The following LARGE1 variants were observed in gnomAD, a reference collection of about 807,000 sequenced individuals.
The protein encoded by LARGE1 is xylosyl- and glucuronyltransferase LARGE1.
Under a neutral mutation model 87.6 loss-of-function variants are expected in LARGE1, and 43 were observed. That is an observed-to-expected ratio of 0.49 (90% CI 0.38 to 0.63). The LOEUF (loss-of-function observed/expected upper bound fraction) is 0.63. LARGE1 is among the 30% of genes least tolerant of loss of function. The probability of loss-of-function intolerance (pLI) is 0.00; values close to 1 mark genes in which losing one functional copy is unlikely to be tolerated. For synonymous variants in LARGE1, 434 were observed against 394.6 expected (o/e 1.10, Z -1.18); for missense variants, 802 against 1,000.2 (o/e 0.80, Z 2.67).
intron 1 of LARGE1, among the ~76,000 whole-genome samples, chr22:33,830,197 A>G (rs1894428): frequency 0.63 from 96,398 of 151,958 alleles, 30,841 homozygotes; most frequent in African/African-American, 0.74. Flanking sequence ...TCTGTCTTCA[A>G]GAGACACTCC....
In LARGE1 at chr22:33,528,558, A is replaced by G. The variant is rs138526865; in HGVS notation, c.787+36290T>C. 3.0e-4 allele frequency among the ~76,000 whole-genome samples: 45 copies of G among 152,316 alleles called. No homozygotes were observed. In the East Asian group the frequency reaches 8.1e-3, roughly 27 times the overall value. ...TCAAAAGGTGAAGCAAAGGACACAA[A>G]AACTCTTATTGCACATTCTCCATAG... On this transcript the variant is annotated intron_variant, in intron 6 of 14. Transcript: ENST00000397394.
At chr22:33,668,305 C>T (rs2081319968) in intron 2 of LARGE1, among the ~76,000 whole-genome samples, 1 of 152,178 alleles carries the variant, frequency 6.6e-6, no homozygotes, top group South Asian at 2.1e-4. Context: ...GTGAACACTC[C>T]TTTACCAGAG....
At chr22:33,462,301 C>T (rs922931107) in intron 6 of LARGE1, among the ~76,000 whole-genome samples, 37 of 152,064 alleles carry the variant, frequency 2.4e-4, no homozygotes, top group African/African-American at 8.0e-4. Context: ...AAACACCCTT[C>T]GGGATGGCAA....
chr22:33,768,462 AC>A (rs2084972854), intron 1 of LARGE1, among the ~76,000 whole-genome samples: 1 of 151,344 alleles, frequency 6.6e-6, no homozygotes, highest in Non-Finnish European at 1.5e-5. Flanking sequence ...ACACACACAC[AC>A]ACAGTCTCCC....
intron 7 of LARGE1, among the ~76,000 whole-genome samples, chr22:33,395,625 T>C (rs751974872): frequency 6.6e-6 from 1 of 152,184 alleles, no homozygotes; most frequent in Non-Finnish European, 1.5e-5. Context: ...TACAAGAATG[T>C]AGCTAGAATT....
intron 11 of LARGE1, among the ~76,000 whole-genome samples, chr22:33,245,640 G>A (rs1926720091): frequency 6.6e-6 from 1 of 152,204 alleles, no homozygotes; most frequent in Non-Finnish European, 1.5e-5. Flanking sequence ...CGGGCATGGT[G>A]GCCCATGCCT....
chr22:33,909,967 T>C (rs949560092), intron 1 of LARGE1, among the ~76,000 whole-genome samples: 9 of 152,210 alleles, frequency 5.9e-5, no homozygotes, highest in African/African-American at 1.9e-4. Context: ...TTTAACTGTC[T>C]TGTATCCAAA....
At chr22:33,744,222 T>C (rs1425586386) in intron 2 of LARGE1, 1 of 152,260 alleles carries the variant, frequency 6.6e-6, no homozygotes, top group Non-Finnish European at 1.5e-5. Context: ...GTCAGTTGCC[T>C]GCAAAACTCA....
chr22:33,468,375 G>A (rs2068700950), intron 6 of LARGE1, among the ~76,000 whole-genome samples: 1 of 152,138 alleles, frequency 6.6e-6, no homozygotes, highest in Admixed American at 6.5e-5. Context: ...ACTGAGGCAG[G>A]AGGATCACTT....
chr22:33,376,346 A>G (rs2064992664), intron 9 of LARGE1, among the ~76,000 whole-genome samples: 2 of 152,358 alleles, frequency 1.3e-5, no homozygotes, highest in South Asian at 4.1e-4. Context: ...CTAGATTTCT[A>G]CAATCCTACT....
intron 6 of LARGE1, among the ~76,000 whole-genome samples, chr22:33,457,652 A>C (rs955095767): frequency 1.3e-5 from 2 of 152,210 alleles, no homozygotes; most frequent in African/African-American, 4.8e-5. Context: ...AGTGTACAAA[A>C]AAGGAATGTA....
At chr22:33,312,662 A>C (rs1357912000) in intron 11 of LARGE1, among the ~76,000 whole-genome samples, 3 of 152,156 alleles carry the variant, frequency 2.0e-5, no homozygotes, top group African/African-American at 7.2e-5. Flanking sequence ...GGAGGCCTGA[A>C]TGCAACAGAG....
chr22:33,348,789 T>C (rs543938666), intron 9 of LARGE1, among the ~76,000 whole-genome samples: 4 of 152,196 alleles, frequency 2.6e-5, no homozygotes, highest in South Asian at 2.1e-4. Flanking sequence ...CCGATATGGT[T>C]TGGCTGTGTC....
chr22:33,476,905 C>T (rs953980085), intron 6 of LARGE1, among the ~76,000 whole-genome samples: 13 of 152,086 alleles, frequency 8.5e-5, no homozygotes, highest in African/African-American at 2.2e-4. Context: ...TGACATGACT[C>T]GGATGTGAGT....
At chr22:33,877,941 TAATAA>T (rs2064520285) in intron 1 of LARGE1, among the ~76,000 whole-genome samples, 1 of 151,210 alleles carries the variant, frequency 6.6e-6, no homozygotes, top group Admixed American at 6.6e-5. Context: ...ATAATAATAA[TAATAA>T]AATACATACC....
At chr22:33,593,105 C>T (rs1259396180) in intron 5 of LARGE1, among the ~76,000 whole-genome samples, 2 of 152,220 alleles carry the variant, frequency 1.3e-5, no homozygotes, top group Non-Finnish European at 2.9e-5. Flanking sequence ...TCCCAAAGTG[C>T]TGGGATTACA....
intron 1 of LARGE1, among the ~76,000 whole-genome samples, chr22:33,868,532 C>T (rs904305688): frequency 6.6e-6 from 1 of 152,082 alleles, no homozygotes; most frequent in Non-Finnish European, 1.5e-5. Context: ...CCCTCACTTC[C>T]CTCACCATCC....
intron 5 of LARGE1, among the ~76,000 whole-genome samples, chr22:33,594,899 A>G (rs9607062): frequency 0.085 from 12,924 of 152,034 alleles, 671 homozygotes; most frequent in African/African-American, 0.14. Context: ...GAGCCACCAT[A>G]CCCCGCTGAA....
the LARGE1 span, among the ~76,000 whole-genome samples, chr22:33,091,781 T>A: frequency 6.6e-6 from 1 of 152,200 alleles, no homozygotes; most frequent in Admixed American, 6.5e-5. Flanking sequence ...GTAATACCGA[T>A]CCTGGAGATT....
Sources: gnomAD v4.1 joint callset for allele counts (sites outside exome capture counted in the v4.1 genomes callset) on GRCh38, gnomAD v4.1.1 for gene constraint, MANE v1.5 for transcripts, NCBI Gene and HGNC (gene_info 2026-07-23, HGNC 2026-07-21) for gene names.